The following OPCML variants were observed in gnomAD, a reference collection of about 807,000 sequenced individuals.
OPCML encodes opioid-binding protein/cell adhesion molecule.
A neutral mutation model predicts 37.8 loss-of-function variants in OPCML; 13 were observed. The ratio of observed to expected loss-of-function variants is 0.34; its 90% CI spans 0.22 to 0.55. The LOEUF (loss-of-function observed/expected upper bound fraction) is 0.55, where lower values mean the gene tolerates loss of function less well. Among genes scored for constraint, OPCML ranks in the 20% least tolerant of loss-of-function variants. The pLI, the probability that OPCML is intolerant of heterozygous loss-of-function variation, is 0.91. For missense variants in OPCML, 341 were observed against 435.6 expected, an observed-to-expected ratio of 0.78 and a Z score of 1.93; for synonymous variants, 176 against 168.8, an observed-to-expected ratio of 1.04 and a Z score of -0.33.
At chr11:133,061,007 A>T (rs1948332173) in intron 1 of OPCML, among the ~76,000 whole-genome samples, 1 of 152,240 alleles carries the variant, frequency 6.6e-6, no homozygotes, top group Non-Finnish European at 1.5e-5. Flanking sequence ...AAGAAAAAGG[A>T]TAATAGTTTT....
At chr11:132,733,521 G>C (rs1376163763) in intron 2 of OPCML, among the ~76,000 whole-genome samples, 2 of 152,170 alleles carry the variant, frequency 1.3e-5, no homozygotes, top group Admixed American at 6.6e-5. Flanking sequence ...TGAAGGTTTG[G>C]AATGGTAATC....
intron 4 of OPCML, among the ~76,000 whole-genome samples, chr11:132,483,846 G>T (rs1386234138): frequency 6.6e-6 from 1 of 151,644 alleles, no homozygotes; most frequent in Admixed American, 6.6e-5. Flanking sequence ...AATGGTGCTG[G>T]GAAAACTGGC....
chr11:133,391,553 G>A (rs1471563736), intron 1 of OPCML, among the ~76,000 whole-genome samples: 2 of 152,080 alleles, frequency 1.3e-5, no homozygotes, highest in South Asian at 2.1e-4. Context: ...TCCGCTGAGC[G>A]CTCTGCTGAG....
chr11:133,168,491 A>G (rs905400884), intron 1 of OPCML, among the ~76,000 whole-genome samples: 15 of 152,230 alleles, frequency 9.9e-5, no homozygotes, highest in African/African-American at 3.6e-4. Context: ...GAAATGACCA[A>G]AATTGGTGTC....
At chr11:132,533,331 TAATAGC>T (rs1382628335) in intron 3 of OPCML, among the ~76,000 whole-genome samples, 7 of 152,140 alleles carry the variant, frequency 4.6e-5, no homozygotes, top group Non-Finnish European at 7.4e-5. Flanking sequence ...GACAGATGGG[TAATAGC>T]TAGGCAGAAG....
chr11:132,604,201 G>A (rs1215204514), intron 3 of OPCML, among the ~76,000 whole-genome samples: 1 of 152,042 alleles, frequency 6.6e-6, no homozygotes, highest in African/African-American at 2.4e-5. Context: ...GTTAAAGAAA[G>A]CCCCTCAAAG....
intron 1 of OPCML, among the ~76,000 whole-genome samples, chr11:133,242,418 G>A (rs1020543994): frequency 2.6e-5 from 4 of 152,254 alleles, no homozygotes; most frequent in Middle Eastern, 3.4e-3. Context: ...CTTAAATGGC[G>A]GCAATTTATT....
At chr11:132,804,417 C>T (rs1274152064) in intron 2 of OPCML, among the ~76,000 whole-genome samples, 1 of 152,166 alleles carries the variant, frequency 6.6e-6, no homozygotes. Context: ...CTCTGGGAGG[C>T]CCCTGCAAGT....
At chr11:132,490,599 G>A (rs989076986) in intron 4 of OPCML, among the ~76,000 whole-genome samples, 2 of 151,862 alleles carry the variant, frequency 1.3e-5, no homozygotes, top group African/African-American at 2.4e-5. Flanking sequence ...CGGGCGGATC[G>A]TGAGGTCAGG....
intron 2 of OPCML, among the ~76,000 whole-genome samples, chr11:132,819,050 A>G (rs1939816119): frequency 6.6e-6 from 1 of 150,812 alleles, no homozygotes; most frequent in South Asian, 2.1e-4. Context: ...GTCTACTTCT[A>G]TTATTTTGTG....
At chr11:133,156,260 G>A (rs1950061157) in intron 1 of OPCML, among the ~76,000 whole-genome samples, 1 of 152,074 alleles carries the variant, frequency 6.6e-6, no homozygotes, top group Non-Finnish European at 1.5e-5. Context: ...TACTCAACAT[G>A]TTACCTGGAC....
chr11:132,467,990 T>G (rs982388728), intron 4 of OPCML, among the ~76,000 whole-genome samples: 1 of 152,186 alleles, frequency 6.6e-6, no homozygotes, highest in African/African-American at 2.4e-5. Context: ...GCTTCTGATC[T>G]CCACGCTGAC....
intron 2 of OPCML, among the ~76,000 whole-genome samples, chr11:132,882,556 C>T (rs775816736): frequency 6.6e-6 from 1 of 152,160 alleles, no homozygotes; most frequent in African/African-American, 2.4e-5. Context: ...CCTCACAAAT[C>T]CCCCAACTTC....
chr11:132,590,068 C>T (rs904484498), intron 3 of OPCML, among the ~76,000 whole-genome samples: 2 of 152,166 alleles, frequency 1.3e-5, no homozygotes, highest in African/African-American at 4.8e-5. Flanking sequence ...TTTTAATGAC[C>T]TTCTTTTCCT....
intron 2 of OPCML, among the ~76,000 whole-genome samples, chr11:132,742,567 G>T (rs895334133): frequency 6.6e-6 from 1 of 152,030 alleles, no homozygotes; most frequent in African/African-American, 2.4e-5. Context: ...AGAACTAGGA[G>T]AAATAAATGC....
At chr11:132,982,514 CA>C (rs71696344) in intron 1 of OPCML, among the ~76,000 whole-genome samples, 24,105 of 134,894 alleles carry the variant, frequency 0.18, 2,074 homozygotes, top group South Asian at 0.25. Flanking sequence ...AGGCTTAGAG[CA>C]AAAAAAAAAA....
intron 2 of OPCML, among the ~76,000 whole-genome samples, chr11:132,901,664 T>C (rs1459299991): frequency 1.3e-5 from 2 of 152,156 alleles, no homozygotes; most frequent in African/African-American, 2.4e-5. Flanking sequence ...ACCGTGCTTC[T>C]CCGAGATGGG....
chr11:132,888,585 C>A (rs898703795), intron 2 of OPCML, among the ~76,000 whole-genome samples: 1 of 152,230 alleles, frequency 6.6e-6, no homozygotes, highest in South Asian at 2.1e-4. Flanking sequence ...TTATTTGCTT[C>A]GGAAAAAGCT....
intron 1 of OPCML, among the ~76,000 whole-genome samples, chr11:133,230,408 T>A (rs923271226): frequency 6.6e-6 from 1 of 152,196 alleles, no homozygotes; most frequent in Non-Finnish European, 1.5e-5. Flanking sequence ...AGCCAGCTGC[T>A]GTCACTCGTT....
Sources: allele counts gnomAD v4.1 joint callset (sites outside exome capture counted in the v4.1 genomes callset), GRCh38; gene constraint gnomAD v4.1.1; transcripts MANE v1.5; gene names NCBI Gene and HGNC (gene_info 2026-07-23, HGNC 2026-07-21).